The following LARP1 variants were observed in gnomAD, a reference collection of about 807,000 sequenced individuals.
LARP1 encodes the protein La ribonucleoprotein 1, translational regulator.
LARP1 carries 36 observed loss-of-function variants against 122.7 expected under a neutral mutation model. The observed-to-expected ratio is 0.29, with a 90% CI of 0.22 to 0.39. The LOEUF is 0.39. Ranked by LOEUF, LARP1 falls within the 10% of genes least tolerant of loss-of-function variation. The pLI is 1.00. For missense variants in LARP1, 1,040 were observed against 1,403.6 expected, an observed-to-expected ratio of 0.74 and a Z score of 4.14; for synonymous variants, 539 against 528.7, an observed-to-expected ratio of 1.02 and a Z score of -0.27.
chr5:154,732,627 G>A (rs1157853600), intron 1 of LARP1, among the ~76,000 whole-genome samples: 5 of 152,156 alleles, frequency 3.3e-5, no homozygotes, highest in Non-Finnish European at 7.4e-5. Flanking sequence ...CCAGCCCTGT[G>A]TTTGGAATTC....
chr5:154,760,613 T>G (rs1754373763), intron 1 of LARP1, among the ~76,000 whole-genome samples: 1 of 152,152 alleles, frequency 6.6e-6, no homozygotes, highest in Non-Finnish European at 1.5e-5. Context: ...GAAAATTTCC[T>G]CCACCAAATA....
At chr5:154,702,558 A>C (rs907560074) in intron 1 of LARP1, among the ~76,000 whole-genome samples, 2 of 142,860 alleles carry the variant, frequency 1.4e-5, no homozygotes, top group African/African-American at 5.1e-5. Flanking sequence ...CTCCATCTCC[A>C]AAAAAAAAAA....
intron 1 of LARP1, among the ~76,000 whole-genome samples, chr5:154,764,003 G>A (rs1373122408): frequency 2.0e-5 from 3 of 147,742 alleles, no homozygotes; most frequent in East Asian, 2.1e-4. Context: ...CAACAGAGCA[G>A]GACTGTCTCA....
intron 1 of LARP1, among the ~76,000 whole-genome samples, chr5:154,762,655 C>G (rs964882634): frequency 2.0e-5 from 3 of 152,158 alleles, no homozygotes; most frequent in African/African-American, 7.2e-5. Context: ...TGGCATGGGA[C>G]TTCTCCATCT....
chr5:154,808,379 T>G (rs2113861767), intron 15 of LARP1, 80 bp from the exon 16 acceptor site: 1 of 1,528,500 alleles, frequency 6.5e-7, no homozygotes, highest in Non-Finnish European at 8.8e-7. Flanking sequence ...GGACCAAGTC[T>G]TAAGTTCCAG....
chr5:154,809,908 T>G (rs1759118435), intron 16 of LARP1, among the ~76,000 whole-genome samples: 1 of 151,744 alleles, frequency 6.6e-6, no homozygotes, highest in South Asian at 2.1e-4. Context: ...GAGGTTTCGC[T>G]GTGTTAGCCA....
rs146000864 is a variant in LARP1, at chr5:154,687,008, C to T, written c.-180+3971C>T. 4.4e-3 allele frequency among the ~76,000 whole-genome samples: 677 copies of T among 152,256 alleles called. 5 individuals are homozygous for T. The highest frequency in any genetic ancestry group is 0.015 in the African/African-American group (631 of 41,536). The stretch of plus-strand genomic sequence containing the variant: ...AAATCAGTCTCTGTCTCTCTTAGAC[C>T]GACCCCTCAGTCACAGCATGGTGCT... On this transcript the variant is annotated intron_variant, in intron 1 of 18. Coordinates refer to the LARP1 transcript ENST00000687700.
chr5:154,692,243 A>G (rs981137701), intron 1 of LARP1, among the ~76,000 whole-genome samples: 3 of 152,216 alleles, frequency 2.0e-5, no homozygotes, highest in Admixed American at 6.5e-5. Flanking sequence ...GGAAGTGCTT[A>G]GAGATGTTTA....
At position 154,790,326 on chromosome 5, in the gene LARP1, A is replaced by G. The variant is rs1295058975; in HGVS notation, c.438A>G (p.Glu146=). ...AACTCTCCCTTCTTGTTCCCACAGA[A>G]CACTCTGCTCCAGCCAAGGTGGTGA... The part of the protein sequence containing the change: ...LTTVNGQSPP[E]HSAPAKVVRA... The change falls in exon 2 of 19, where the codon GAA becomes GAG. Residue 146 remains glutamate (E), a splice_region_variant and synonymous_variant. Transcript: ENST00000518297. 5.6e-6 allele frequency: 9 copies of G among 1,613,284 alleles called. No homozygotes were observed. The highest frequency in any genetic ancestry group is 7.6e-6 in the Non-Finnish European group (9 of 1,179,636).
intron 15 of LARP1, 73 bp from the exon 16 acceptor site, chr5:154,808,385 TC>T: frequency 5.2e-6 from 8 of 1,545,110 alleles, no homozygotes; most frequent in South Asian, 3.7e-5. Flanking sequence ...AGTCTTAAGT[TC>T]CAGGATCCTT....
chr5:154,774,856 A>G (rs577720386), intron 1 of LARP1, among the ~76,000 whole-genome samples: 10 of 152,322 alleles, frequency 6.6e-5, no homozygotes, highest in South Asian at 2.1e-4. Flanking sequence ...TATTTTGACC[A>G]AAGTCTCTCA....
At chr5:154,697,199 T>C (rs1262779299) in intron 1 of LARP1, among the ~76,000 whole-genome samples, 3 of 99,800 alleles carry the variant, frequency 3.0e-5, no homozygotes, top group African/African-American at 1.4e-4. Context: ...TGTAGCTTTT[T>C]ATCTTTTTTT....
intron 8 of LARP1, among the ~76,000 whole-genome samples, chr5:154,799,001 C>G (rs1383537626): frequency 6.6e-6 from 1 of 152,308 alleles, no homozygotes; most frequent in Admixed American, 6.5e-5. Flanking sequence ...ATAGCTGGGA[C>G]TATAGGCGTG....
rs1408007279 is a variant in LARP1 at position 154,817,390 on chromosome 5, A to G, written c.*3294A>G. The G allele has an allele frequency of 1.3e-5, 2 of 152,614 alleles. No individual in the cohort carries two copies. Among genetic ancestry groups the G allele is most frequent in the African/African-American group, 2.4e-5 (1 of 41,438 alleles). 9.5% of individuals were successfully genotyped at this position (152,614 alleles called of 1,614,324 possible). A position where few individuals can be genotyped will look rare whatever the true frequency, so the allele number is the denominator to read the frequency against. On this transcript the variant is annotated 3_prime_UTR_variant, in exon 19 of 19. Transcript: ENST00000518297. ...ACGCTCGTAGTACATTATCTTTACTATGTGCTAGGATATCATATTTAAAAG... is the reference window on the plus strand; with the variant it reads ...ACGCTCGTAGTACATTATCTTTACTGTGTGCTAGGATATCATATTTAAAAG...
intron 1 of LARP1, chr5:154,786,557 C>T (rs961885266): frequency 4.4e-6 from 2 of 453,566 alleles, no homozygotes; most frequent in Non-Finnish European, 8.8e-6. Flanking sequence ...CTGCTACAGT[C>T]TGGGCCTCGG....
intron 1 of LARP1, among the ~76,000 whole-genome samples, chr5:154,737,358 C>T (rs1261756754): frequency 6.6e-6 from 1 of 151,130 alleles, no homozygotes; most frequent in Non-Finnish European, 1.5e-5. Flanking sequence ...TGTTTTAATG[C>T]AATTCTAGGG....
chr5:154,812,361 T>C (rs1759344134), intron 18 of LARP1, among the ~76,000 whole-genome samples: 1 of 152,156 alleles, frequency 6.6e-6, no homozygotes, highest in Non-Finnish European at 1.5e-5. Flanking sequence ...GGGTAATTTA[T>C]AAAGGAAAGA....
chr5:154,730,083 T>G (rs927931911), intron 1 of LARP1, among the ~76,000 whole-genome samples: 1 of 152,226 alleles, frequency 6.6e-6, no homozygotes, highest in African/African-American at 2.4e-5. Context: ...GGTAGTTTGC[T>G]TACACAAAAT....
intron 1 of LARP1, among the ~76,000 whole-genome samples, chr5:154,775,679 G>C (rs2113687916): frequency 6.6e-6 from 1 of 152,296 alleles, no homozygotes; most frequent in South Asian, 2.1e-4. Context: ...GAACTAACGG[G>C]CTCAAGAGGA....
Sources: gnomAD v4.1 joint callset for allele counts (sites outside exome capture counted in the v4.1 genomes callset) on GRCh38, gnomAD v4.1.1 for gene constraint, MANE v1.5 for transcripts, NCBI Gene and HGNC (gene_info 2026-07-23, HGNC 2026-07-21) for gene names.